The following TNS3 variants were observed in gnomAD, a reference collection of about 807,000 sequenced individuals.
TNS3 encodes tensin 3, also known as tensin-3.
Under a neutral mutation model 140.9 loss-of-function variants are expected in TNS3, and 45 were observed. The ratio of observed to expected loss-of-function variants is 0.32; its 90% CI spans 0.25 to 0.41. The LOEUF is 0.41. TNS3 is among the 10% of genes least tolerant of loss of function. The probability of loss-of-function intolerance (pLI) is 1.00; values close to 1 mark genes in which losing one functional copy is unlikely to be tolerated. For missense variants in TNS3, 1,716 were observed against 1,906.7 expected (o/e 0.90, Z 1.86); for synonymous variants, 815 against 788.4 (o/e 1.03, Z -0.56).
Position 47,416,813 on chromosome 7 carries a change from C to T in TNS3, c.474-1607G>A, listed in dbSNP as rs557208679. On this transcript the variant is annotated intron_variant, in intron 10 of 30. Transcript: ENST00000311160. ...TTTACGCATTGTGGATTTCATGGGT[C>T]CTTTGGCTCCCTGGTTTTGAGTAAA... Among the ~76,000 whole-genome samples, 11 of 152,346 alleles carry T rather than the reference C, an allele frequency of 7.2e-5. No homozygotes were observed. The South Asian group carries it at 2.3e-3, about 32-fold the overall frequency.
intron 1 of TNS3, among the ~76,000 whole-genome samples, chr7:47,571,820 G>A (rs190685558): frequency 2.0e-5 from 3 of 152,322 alleles, no homozygotes; most frequent in East Asian, 1.9e-4. Flanking sequence ...GGCCCAGTGC[G>A]TGTCTAGCCC....
intron 17 of TNS3, among the ~76,000 whole-genome samples, chr7:47,360,586 G>A (rs756672639): frequency 6.6e-6 from 1 of 152,166 alleles, no homozygotes; most frequent in Non-Finnish European, 1.5e-5. Flanking sequence ...CCCTGGAGGG[G>A]GTGGTGGCCA....
chr7:47,454,883 C>T (rs949986657), intron 4 of TNS3, among the ~76,000 whole-genome samples: 1 of 152,152 alleles, frequency 6.6e-6, no homozygotes, highest in African/African-American at 2.4e-5. Flanking sequence ...TAATGTCAGT[C>T]ATCTCCGGAG....
chr7:47,542,384 A>G (rs1357870511), intron 1 of TNS3, among the ~76,000 whole-genome samples: 1 of 152,106 alleles, frequency 6.6e-6, no homozygotes, highest in Non-Finnish European at 1.5e-5. Context: ...AGGGGTGGAG[A>G]GTCCAAATCC....
At chr7:47,383,484 T>C (rs1791893947) in intron 16 of TNS3, among the ~76,000 whole-genome samples, 1 of 152,184 alleles carries the variant, frequency 6.6e-6, no homozygotes, top group African/African-American at 2.4e-5. Context: ...TTCCACAACC[T>C]TGTGAACGTA....
intron 27 of TNS3, among the ~76,000 whole-genome samples, chr7:47,285,238 G>A (rs145415762): frequency 6.6e-6 from 1 of 152,300 alleles, no homozygotes; most frequent in African/African-American, 2.4e-5. Flanking sequence ...GTTTATAGCT[G>A]AAGACACTCT....
In TNS3 at chr7:47,574,177, A is replaced by T. The variant is rs1012963133; in HGVS notation, c.-265+7874T>A. On this transcript the variant is annotated intron_variant, in intron 1 of 30. Coordinates refer to ENST00000311160, the MANE Select transcript of TNS3 (RefSeq NM_022748.12). ...GACTGAACCATTTATCCAAATTAAA[A>T]CCATTCTCCAGAAACAAAATCAGAC... 6.6e-5 allele frequency among the ~76,000 whole-genome samples: 10 copies of T among 152,272 alleles called. 1 individual carries two copies. Among genetic ancestry groups the T allele is most frequent in the Admixed American group, 5.9e-4 (9 of 15,300 alleles).
Position 47,496,159 on chromosome 7 carries a change from A to G in TNS3, c.-115+10748T>C, listed in dbSNP as rs573487627. Among the ~76,000 whole-genome samples the G allele has an allele frequency of 7.2e-5, 11 of 152,232 alleles. No individual in the cohort carries two copies. In the South Asian group the frequency reaches 1.9e-3, roughly 26 times the overall value. ...TAATGGGAGGAAGCATACATTATAG[A>G]CTCTGAGCAGTTCAAAAACTGAATG... On this transcript the variant is annotated intron_variant, in intron 3 of 30. Coordinates refer to ENST00000311160, the MANE Select transcript of TNS3 (RefSeq NM_022748.12).
At chr7:47,390,685 G>C (rs1314539134) in intron 16 of TNS3, among the ~76,000 whole-genome samples, 2 of 152,242 alleles carry the variant, frequency 1.3e-5, no homozygotes, top group Non-Finnish European at 2.9e-5. Context: ...CCAAGGACAA[G>C]AGTGACAGAG....
chr7:47,352,895 A>C (rs148320128), intron 17 of TNS3, among the ~76,000 whole-genome samples: 5 of 152,272 alleles, frequency 3.3e-5, no homozygotes, highest in African/African-American at 1.2e-4. Flanking sequence ...CACCAAAGTT[A>C]CACCAGGGAC....
intron 20 of TNS3, among the ~76,000 whole-genome samples, chr7:47,338,396 G>A (rs552819232): frequency 6.6e-6 from 1 of 152,284 alleles, no homozygotes; most frequent in Admixed American, 6.5e-5. Context: ...ATTCTGATAG[G>A]TGTGATTTAA....
At chr7:47,402,578 T>C (rs1283321625) in intron 13 of TNS3, among the ~76,000 whole-genome samples, 1 of 152,164 alleles carries the variant, frequency 6.6e-6, no homozygotes, top group Non-Finnish European at 1.5e-5. Context: ...GAGCTCCCCA[T>C]GCCCCACACT....
At chr7:47,324,172 G>A (rs1043696680) in intron 20 of TNS3, among the ~76,000 whole-genome samples, 4 of 152,170 alleles carry the variant, frequency 2.6e-5, no homozygotes, top group African/African-American at 9.7e-5. Flanking sequence ...ACTTTCATCT[G>A]TTTGTTGGTC....
chr7:47,321,639 C>T (rs1787742109), intron 20 of TNS3, among the ~76,000 whole-genome samples: 1 of 152,194 alleles, frequency 6.6e-6, no homozygotes, highest in Non-Finnish European at 1.5e-5. Context: ...CAGAACTGGA[C>T]AATGCTTGAA....
At position 47,415,184 on chromosome 7, in the gene TNS3, G is replaced by T. The variant is rs1214816180; in HGVS notation, c.496C>A (p.Leu166Ile). Residue 166 changes from leucine to isoleucine, a missense_variant, in exon 11 of 31, where the codon CTC becomes ATC. Leu to Ile is a conservative substitution (Grantham distance 5). Around this residue, in one of 3 missense-constraint regions of TNS3, gnomAD observed 337 missense variants for 428.9 expected, o/e 0.79. Coordinates refer to ENST00000311160, the MANE Select transcript of TNS3 (RefSeq NM_022748.12). Reference protein sequence around the residue: ...QKRYVQFLSGLLSGSVKMNAS... With the variant: ...QKRYVQFLSGILSGSVKMNAS... ...TTCATTTTCACCGATCCGGACAGGA[G>T]CCCACTGAGGAACTGAACATACCTG... 20 of 1,609,500 alleles carry T rather than the reference G, an allele frequency of 1.2e-5. No homozygotes were observed. Among genetic ancestry groups the T allele is most frequent in the Non-Finnish European group, 1.6e-5 (19 of 1,178,234 alleles).
intron 3 of TNS3, among the ~76,000 whole-genome samples, chr7:47,482,855 G>A (rs1473571331): frequency 6.6e-6 from 1 of 152,210 alleles, no homozygotes; most frequent in Non-Finnish European, 1.5e-5. Flanking sequence ...TTTCAACTCT[G>A]TGACATTCTG....
chr7:47,279,913 C>T, intron 30 of TNS3: 1 of 558,154 alleles, frequency 1.8e-6, no homozygotes, highest in South Asian at 2.1e-5. Context: ...ATCCATCTCC[C>T]TGTATCTATG....
At chr7:47,396,740 G>C (rs1024820897) in intron 16 of TNS3, 60 bp downstream of exon 16, 24 of 1,367,056 alleles carry the variant, frequency 1.8e-5, no homozygotes, top group Non-Finnish European at 2.4e-5. Flanking sequence ...AGATATTTGA[G>C]TGGGCTGTCT....
At chr7:47,354,135 C>T (rs986480946) in intron 17 of TNS3, among the ~76,000 whole-genome samples, 3 of 151,986 alleles carry the variant, frequency 2.0e-5, no homozygotes, top group African/African-American at 7.2e-5. Flanking sequence ...GGCCTATTCT[C>T]CAAACACTAC....
Sources: gnomAD v4.1 joint callset for allele counts (sites outside exome capture counted in the v4.1 genomes callset) on GRCh38, gnomAD v4.1.1 for gene constraint, gnomAD v4.1.1 regional missense constraint, MANE v1.5 for transcripts, NCBI Gene and HGNC (gene_info 2026-07-23, HGNC 2026-07-21) for gene names.